The following SUCLG2 variants were observed in gnomAD, a reference collection of about 807,000 sequenced individuals.
SUCLG2 encodes the protein succinate--CoA ligase [GDP-forming] subunit beta, mitochondrial.
Under a neutral mutation model 47.9 loss-of-function variants are expected in SUCLG2, and 42 were observed. The observed-to-expected ratio is 0.88, with a 90% CI of 0.69 to 1.14. SUCLG2 has a LOEUF of 1.14. Among genes scored for constraint, SUCLG2 ranks in the 50% most tolerant of loss-of-function variants. The probability of loss-of-function intolerance (pLI) is 0.00; values close to 1 mark genes in which losing one functional copy is unlikely to be tolerated. For missense variants in SUCLG2, 571 were observed against 525.9 expected (o/e 1.09, Z -0.84); for synonymous variants, 195 against 197.3 (o/e 0.99, Z 0.10).
In SUCLG2 at chr3:67,611,487, T is replaced by C. The variant is rs533675164; in HGVS notation, c.85-1891A>G. Among the ~76,000 whole-genome samples the C allele has an allele frequency of 5.9e-5, 9 of 152,316 alleles. No individual in the cohort carries two copies. The South Asian group carries it at 1.7e-3, about 28-fold the overall frequency. On this transcript the variant is annotated intron_variant, in intron 1 of 10. Transcript: ENST00000307227. ...AGTCTTAATAGCGTGTTATATAACA[T>C]ACAAAGAAAAATACGAGTTTAAGGC...
intron 7 of SUCLG2, 31 bp downstream of exon 7, chr3:67,508,776 A>C (rs762354598): frequency 2.0e-6 from 3 of 1,494,632 alleles, no homozygotes; most frequent in Non-Finnish European, 2.8e-6. Context: ...TAATACATTC[A>C]TTTGTTTTCT....
At chr3:67,568,866 G>C (rs930036285) in intron 2 of SUCLG2, among the ~76,000 whole-genome samples, 2 of 152,098 alleles carry the variant, frequency 1.3e-5, no homozygotes, top group African/African-American at 4.8e-5. Context: ...CAGCCTGGGC[G>C]ACAGAGCGAG....
Position 67,608,768 on chromosome 3 carries a change from C to T in SUCLG2, c.226+687G>A, listed in dbSNP as rs562740601. On this transcript the variant is annotated intron_variant, in intron 2 of 10. Coordinates refer to ENST00000307227, the MANE Select transcript of SUCLG2 (RefSeq NM_003848.4). ...TCATAGCCCACTGCAATCTCAAACTCGTGGGCTCAAGTGATCCTCCTGCCA... is the reference window on the plus strand; with the variant it reads ...TCATAGCCCACTGCAATCTCAAACTTGTGGGCTCAAGTGATCCTCCTGCCA... Among the ~76,000 whole-genome samples the T allele has an allele frequency of 2.1e-4, 32 of 151,970 alleles. No individual in the cohort carries two copies. The South Asian group carries it at 2.9e-3, about 14-fold the overall frequency.
At chr3:67,413,445 G>C (rs1464899216) in intron 9 of SUCLG2, among the ~76,000 whole-genome samples, 2 of 152,190 alleles carry the variant, frequency 1.3e-5, no homozygotes, top group Non-Finnish European at 2.9e-5. Context: ...AAGATGGTTA[G>C]TATTTAAAAA....
At chr3:67,371,112 C>T (rs1267716820), downstream of SUCLG2, among the ~76,000 whole-genome samples, 1 of 152,134 alleles carries the variant, frequency 6.6e-6, no homozygotes, top group African/African-American at 2.4e-5. Context: ...TACATCATGG[C>T]TTACTTTCAT....
chr3:67,549,875 T>A (rs527554191), intron 2 of SUCLG2, among the ~76,000 whole-genome samples: 1 of 152,186 alleles, frequency 6.6e-6, no homozygotes, highest in South Asian at 2.1e-4. Context: ...AAACTGCAAA[T>A]TTGCTACAAG....
At chr3:67,384,920 TCATGAAGTCTTTCCC>T (rs1472870373) in intron 10 of SUCLG2, among the ~76,000 whole-genome samples, 1 of 152,202 alleles carries the variant, frequency 6.6e-6, no homozygotes. Flanking sequence ...GAAACATTTC[TCATGAAGTCTTTCCC>T]CATAGGTAGT....
intron 4 of SUCLG2, among the ~76,000 whole-genome samples, chr3:67,524,652 T>TA (rs1024370806): frequency 1.4e-4 from 22 of 152,330 alleles, no homozygotes; most frequent in African/African-American, 3.6e-4. Context: ...TCTGGGGACT[T>TA]ATACTTTTGA....
rs535275333 is a variant in SUCLG2 at position 67,427,866 on chromosome 3, C to T, written c.1063-27015G>A. On this transcript the variant is annotated intron_variant, in intron 9 of 10. Transcript: ENST00000307227. The stretch of plus-strand genomic sequence containing the variant: ...CACAACCATGGAGCCTCACTCACTG[C>T]TACCACAGCAGTCTGAGATCGAACT... Among the ~76,000 whole-genome samples the T allele has an allele frequency of 2.0e-5, 3 of 152,240 alleles. No homozygotes were observed. The South Asian group carries it at 6.2e-4, about 32-fold the overall frequency.
At chr3:67,651,447 C>G (rs148550128) in intron 1 of SUCLG2, among the ~76,000 whole-genome samples, 1 of 152,238 alleles carries the variant, frequency 6.6e-6, no homozygotes. Flanking sequence ...TTTCATCGCT[C>G]AGGTCTCAGC....
chr3:67,486,760 G>A (rs1175419095), intron 9 of SUCLG2, among the ~76,000 whole-genome samples: 2 of 151,988 alleles, frequency 1.3e-5, no homozygotes, highest in African/African-American at 4.8e-5. Flanking sequence ...GGACAAAAAT[G>A]CAAAAAACAT....
chr3:67,654,448 G>A (rs1701348785), intron 1 of SUCLG2, 55 bp downstream of exon 1: 2 of 1,210,066 alleles, frequency 1.7e-6, no homozygotes, highest in Non-Finnish European at 2.1e-6. Context: ...GGCGAGGGAA[G>A]CCCGGGCAGG....
rs1701877780 is a variant in SUCLG2 at position 67,366,549 on chromosome 3, T to C, written c.1184-5781A>G. Among the ~76,000 whole-genome samples the C allele has an allele frequency of 2.0e-5, 3 of 152,282 alleles. No homozygotes were observed. The South Asian group carries it at 6.2e-4, about 32-fold the overall frequency. ...GATGGTAGAGAAACACGTGTTTGAA[T>C]TCAACTTAATCAGCTACATTTTCCA... is the stretch of plus-strand genomic sequence containing the variant. On this transcript the variant is annotated intron_variant, in intron 10 of 10. Coordinates refer to the SUCLG2 transcript ENST00000493112.
intron 2 of SUCLG2, among the ~76,000 whole-genome samples, chr3:67,593,772 G>C (rs1323726616): frequency 6.6e-6 from 1 of 152,174 alleles, no homozygotes; most frequent in Non-Finnish European, 1.5e-5. Context: ...AGAGCAGTTG[G>C]TCACCCCCGA....
At chr3:67,474,845 G>C (rs532405573) in intron 9 of SUCLG2, among the ~76,000 whole-genome samples, 1 of 152,050 alleles carries the variant, frequency 6.6e-6, no homozygotes, top group Non-Finnish European at 1.5e-5. Flanking sequence ...TTCCACAGGC[G>C]TATGGGTTGT....
chr3:67,523,020 C>T (rs892583901), intron 4 of SUCLG2, among the ~76,000 whole-genome samples: 1 of 152,048 alleles, frequency 6.6e-6, no homozygotes, highest in Admixed American at 6.5e-5. Flanking sequence ...AATCTCCTGA[C>T]CTCGTGATTC....
chr3:67,530,424 A>G (rs1706371534), intron 2 of SUCLG2, among the ~76,000 whole-genome samples: 1 of 152,214 alleles, frequency 6.6e-6, no homozygotes, highest in Non-Finnish European at 1.5e-5. Flanking sequence ...CATTACAGAG[A>G]TGGCTAAACC....
intron 2 of SUCLG2, among the ~76,000 whole-genome samples, chr3:67,541,684 T>C (rs1038034443): frequency 9.9e-5 from 15 of 152,112 alleles, no homozygotes; most frequent in African/African-American, 3.6e-4. Flanking sequence ...AGATACTCCT[T>C]GAGAAGAGCA....
intron 9 of SUCLG2, among the ~76,000 whole-genome samples, chr3:67,402,756 G>A (rs73836507): frequency 1.4e-3 from 209 of 152,352 alleles, no homozygotes; most frequent in African/African-American, 4.8e-3. Flanking sequence ...GCATGCCTCT[G>A]CCATGTTCCA....
Sources: allele counts gnomAD v4.1 joint callset (sites outside exome capture counted in the v4.1 genomes callset), GRCh38; gene constraint gnomAD v4.1.1; transcripts MANE v1.5; gene names NCBI Gene and HGNC (gene_info 2026-07-23, HGNC 2026-07-21).